ARAP2: variants seen among roughly 807,000 people sequenced by gnomAD.
ARAP2 encodes arf-GAP with Rho-GAP domain, ANK repeat and PH domain-containing protein 2.
In ARAP2, 148 loss-of-function variants were observed where a neutral mutation model predicts 194.5. The observed-to-expected ratio is 0.76, with a 90% CI of 0.67 to 0.87. The LOEUF is 0.87. Among genes scored for constraint, ARAP2 ranks in the 40% least tolerant of loss-of-function variants. The pLI, the probability that ARAP2 is intolerant of heterozygous loss-of-function variation, is 0.00. For missense variants in ARAP2, 2,128 were observed against 1,989.7 expected (o/e 1.07, Z -1.32); for synonymous variants, 695 against 683.5 (o/e 1.02, Z -0.26).
intron 6 of ARAP2, among the ~76,000 whole-genome samples, chr4:36,016,266 G>A (rs555498777): frequency 7.2e-4 from 110 of 152,128 alleles, no homozygotes; most frequent in Middle Eastern, 3.4e-3. Flanking sequence ...TATTATGGGT[G>A]TATATGTACA....
At position 36,213,291 on chromosome 4, in the gene ARAP2, G is replaced by C. The variant is rs759205374; in HGVS notation, c.993C>G (p.Ile331Met). Reference sequence around the variant, plus strand: ...AGAGAAAGGTCTCTCCATAAGGAAAGATGGAAGATGAATTCTCCTCATTTG... The same window carrying C: ...AGAGAAAGGTCTCTCCATAAGGAAACATGGAAGATGAATTCTCCTCATTTG... ...QNSNEENSSSIFPYGETFLFQ... is the reference protein window; with the variant it reads ...QNSNEENSSSMFPYGETFLFQ... The change falls in exon 4 of 33, where the codon ATC (isoleucine) becomes ATG (methionine). Residue 331 changes from isoleucine (I) to methionine (M), a missense_variant. Ile to Met is a conservative substitution (Grantham distance 10). Transcript: ENST00000303965. 1.4e-5 allele frequency: 23 copies of C among 1,608,036 alleles called. No homozygotes were observed. The Admixed American group carries it at 3.8e-4, about 27-fold the overall frequency.
chr4:36,078,772 A>C (rs1728814975), intron 31 of ARAP2, among the ~76,000 whole-genome samples: 1 of 152,202 alleles, frequency 6.6e-6, no homozygotes, highest in Non-Finnish European at 1.5e-5. Context: ...TTATAAAAAC[A>C]AAAACATCAG....
At chr4:36,124,250 A>G (rs573750305) in intron 22 of ARAP2, among the ~76,000 whole-genome samples, 1 of 151,944 alleles carries the variant, frequency 6.6e-6, no homozygotes, top group East Asian at 1.9e-4. Context: ...AGGGAGCTAC[A>G]ATATATTCCT....
intron 2 of ARAP2, among the ~76,000 whole-genome samples, chr4:36,216,394 A>C (rs1747948039): frequency 6.6e-6 from 1 of 152,384 alleles, no homozygotes; most frequent in Admixed American, 6.5e-5. Flanking sequence ...AATATGTGGA[A>C]TAATTAGAAC....
At chr4:36,057,450 C>T (rs1414301599) in intron 2 of ARAP2, among the ~76,000 whole-genome samples, 3 of 151,666 alleles carry the variant, frequency 2.0e-5, no homozygotes, top group African/African-American at 7.3e-5. Flanking sequence ...ATTTTCTCCT[C>T]CAATATTGCC....
intron 20 of ARAP2, among the ~76,000 whole-genome samples, chr4:36,129,477 A>G (rs938771745): frequency 6.6e-6 from 1 of 151,848 alleles, no homozygotes; most frequent in African/African-American, 2.4e-5. Context: ...TAATATTAAC[A>G]ATGTTCTTTT....
chr4:36,054,199 G>A (rs1286695981), intron 2 of ARAP2, among the ~76,000 whole-genome samples: 2 of 152,158 alleles, frequency 1.3e-5, no homozygotes, highest in East Asian at 3.8e-4. Flanking sequence ...GAACATCAGA[G>A]CAGCAATTGC....
intron 27 of ARAP2, among the ~76,000 whole-genome samples, 182 bp downstream of exon 27, chr4:36,107,383 A>G (rs1336174754): frequency 6.6e-6 from 1 of 152,076 alleles, no homozygotes; most frequent in African/African-American, 2.4e-5. Flanking sequence ...ACCACAGAGC[A>G]ACACATTGGG....
chr4:36,096,374 A>AAAAAAAAAAAAAAAAAAAAAAG (rs796310005), intron 27 of ARAP2, among the ~76,000 whole-genome samples: 1 of 142,084 alleles, frequency 7.0e-6, no homozygotes, highest in African/African-American at 2.9e-5. Flanking sequence ...AAAAAAAAAA[A>AAAAAAAAAAAAAAAAAAAAAAG]AAAAAAGAAA....
rs1388844446 is a variant in ARAP2, at chr4:36,013,359, GTA to G, written n.1057-530_1057-529del. Among the ~76,000 whole-genome samples the G allele has an allele frequency of 2.6e-5, 4 of 152,154 alleles. No individual in the cohort carries two copies. The East Asian group carries it at 7.7e-4, about 29-fold the overall frequency. On this transcript the variant is annotated intron_variant and non_coding_transcript_variant, in intron 8 of 12. Transcript: ENST00000503225. The stretch of plus-strand genomic sequence containing the variant: ...GGAGGATAATAAATAGTTGCTGCTA[GTA>G]TAAATGTCTCTCCCTAGAAGAATCT...
chr4:36,093,548 C>T (rs561051315), intron 27 of ARAP2, among the ~76,000 whole-genome samples: 7 of 152,014 alleles, frequency 4.6e-5, no homozygotes, highest in South Asian at 2.1e-4. Context: ...ATTTTACACA[C>T]GATAATACTA....
At chr4:36,229,767 T>C (rs991067672) in intron 1 of ARAP2, 122 bp from the exon 2 acceptor site, 7 of 263,426 alleles carry the variant, frequency 2.7e-5, no homozygotes, top group Admixed American at 9.6e-5. Flanking sequence ...AGTTGGAATC[T>C]TTGTGCATTG....
chr4:36,234,643 T>C (rs1752124125), intron 1 of ARAP2, among the ~76,000 whole-genome samples: 1 of 152,236 alleles, frequency 6.6e-6, no homozygotes, highest in African/African-American at 2.4e-5. Flanking sequence ...TTTTCTGTGC[T>C]TTAGTTTCTT....
At chr4:36,192,483 T>C (rs1322910055) in intron 7 of ARAP2, among the ~76,000 whole-genome samples, 1 of 152,058 alleles carries the variant, frequency 6.6e-6, no homozygotes, top group Non-Finnish European at 1.5e-5. Flanking sequence ...ATGAAAACAA[T>C]GGTAGTGCCA....
intron 2 of ARAP2, among the ~76,000 whole-genome samples, chr4:36,052,586 C>T (rs960775601): frequency 6.6e-6 from 1 of 152,194 alleles, no homozygotes; most frequent in Non-Finnish European, 1.5e-5. Context: ...CTTTCAAACA[C>T]TTTATTATGC....
intron 22 of ARAP2, among the ~76,000 whole-genome samples, chr4:36,122,027 T>C (rs577063708): frequency 6.6e-6 from 1 of 151,506 alleles, no homozygotes; most frequent in Non-Finnish European, 1.5e-5. Context: ...CGAATAAGTA[T>C]AAAGTAATTA....
chr4:36,085,504 A>G (rs1030000329), intron 28 of ARAP2, among the ~76,000 whole-genome samples: 1 of 152,136 alleles, frequency 6.6e-6, no homozygotes, highest in East Asian at 1.9e-4. Flanking sequence ...AAATTCTAAC[A>G]TAACATTTTT....
chr4:36,204,816 C>G (rs1015121100), intron 6 of ARAP2, among the ~76,000 whole-genome samples: 3 of 151,494 alleles, frequency 2.0e-5, no homozygotes, highest in African/African-American at 7.3e-5. Context: ...TGGTGAAACC[C>G]CGTCTCTACT....
At chr4:36,147,522 A>C in intron 18 of ARAP2, 26 bp downstream of exon 18, 5 of 1,592,560 alleles carry the variant, frequency 3.1e-6, no homozygotes, top group Non-Finnish European at 4.3e-6. Flanking sequence ...AGTGTTCCAA[A>C]GATAAGGGAA....
Sources: gnomAD v4.1 joint callset for allele counts (sites outside exome capture counted in the v4.1 genomes callset) on GRCh38, gnomAD v4.1.1 for gene constraint, MANE v1.5 for transcripts, NCBI Gene and HGNC (gene_info 2026-07-23, HGNC 2026-07-21) for gene names.